The following CCSER1 variants were observed in gnomAD, a reference collection of about 807,000 sequenced individuals.
The protein encoded by CCSER1 is serine-rich coiled-coil domain-containing protein 1.
CCSER1 carries 41 observed loss-of-function variants against 82.0 expected under a neutral mutation model. The ratio of observed to expected loss-of-function variants is 0.50; its 90% CI spans 0.39 to 0.65. CCSER1 has a LOEUF of 0.65. Among genes scored for constraint, CCSER1 ranks in the 30% least tolerant of loss-of-function variants. The pLI is 0.00. For synonymous variants in CCSER1, 414 were observed against 383.9 expected, an observed-to-expected ratio of 1.08 and a Z score of -0.92; for missense variants, 1,119 against 1,064.2, an observed-to-expected ratio of 1.05 and a Z score of -0.72.
chr4:90,185,867 G>A (rs1734523270), intron 1 of CCSER1, among the ~76,000 whole-genome samples: 1 of 151,956 alleles, frequency 6.6e-6, no homozygotes. Flanking sequence ...TTTCACAAAG[G>A]ATTACTACAT....
At chr4:91,080,666 C>T (rs190814662) in intron 9 of CCSER1, among the ~76,000 whole-genome samples, 1 of 152,122 alleles carries the variant, frequency 6.6e-6, no homozygotes, top group East Asian at 1.9e-4. Context: ...TGATAGACCA[C>T]TAGCAAGACT....
At position 90,628,093 on chromosome 4, in the gene CCSER1, C is replaced by T. The variant is rs201505045; in HGVS notation, c.1793C>T (p.Pro598Leu). ...EARCSHISRMPNSPSADWPLQ... is the reference protein window; with the variant it reads ...EARCSHISRMLNSPSADWPLQ... ...AGGTGTTCCCACATCAGCCGAATGCCCAACAGTCCATCTGCGGATTGGCCT... is the reference window on the plus strand; with the variant it reads ...AGGTGTTCCCACATCAGCCGAATGCTCAACAGTCCATCTGCGGATTGGCCT... Residue 598 changes from proline to leucine, a missense_variant, in exon 6 of 11, where the codon CCC becomes CTC. Transcript: ENST00000509176. The T allele has an allele frequency of 1.0e-4, 161 of 1,613,598 alleles. 2 individuals carry two copies. In the South Asian group the frequency reaches 1.7e-3, roughly 17 times the overall value.
At chr4:91,013,548 A>AT (rs1445883499) in intron 9 of CCSER1, among the ~76,000 whole-genome samples, 7,709 of 125,422 alleles carry the variant, frequency 0.061, 1,107 homozygotes, top group African/African-American at 0.17. Context: ...ATATATATAT[A>AT]TTTTTTTGCT....
chr4:90,757,891 G>A (rs1749787020), intron 7 of CCSER1, among the ~76,000 whole-genome samples: 1 of 151,806 alleles, frequency 6.6e-6, no homozygotes, highest in South Asian at 2.1e-4. Context: ...TCAAAGTGGG[G>A]ACTGAAGACA....
At chr4:90,818,078 G>C (rs2149775596) in intron 8 of CCSER1, among the ~76,000 whole-genome samples, 1 of 152,102 alleles carries the variant, frequency 6.6e-6, no homozygotes, top group Middle Eastern at 3.4e-3. Flanking sequence ...ACAAGCAATT[G>C]TATCTACATG....
At chr4:91,589,116 T>C (rs181630221) in intron 10 of CCSER1, among the ~76,000 whole-genome samples, 1 of 152,028 alleles carries the variant, frequency 6.6e-6, no homozygotes, top group African/African-American at 2.4e-5. Flanking sequence ...CATTACATTA[T>C]ACTGATATAA....
At chr4:90,990,725 C>T (rs1338297938) in intron 9 of CCSER1, among the ~76,000 whole-genome samples, 1 of 151,578 alleles carries the variant, frequency 6.6e-6, no homozygotes. Context: ...TCTAAAATAC[C>T]CTAAAGTTGA....
chr4:91,340,883 C>T (rs1463810995), intron 10 of CCSER1, among the ~76,000 whole-genome samples: 1 of 152,114 alleles, frequency 6.6e-6, no homozygotes, highest in East Asian at 1.9e-4. Context: ...AGTATCTCTG[C>T]CTGGCTTTAA....
chr4:90,685,770 C>G (rs1734711206), intron 6 of CCSER1, among the ~76,000 whole-genome samples: 1 of 152,158 alleles, frequency 6.6e-6, no homozygotes, highest in Admixed American at 6.6e-5. Flanking sequence ...GAAAATCAAA[C>G]CGCGATACTG....
chr4:91,242,780 C>T (rs1434819817), intron 10 of CCSER1, among the ~76,000 whole-genome samples: 1 of 152,042 alleles, frequency 6.6e-6, no homozygotes, highest in Non-Finnish European at 1.5e-5. Context: ...CATAAAAGAA[C>T]TCTTAAAACT....
At chr4:90,460,179 G>A (rs1762702006) in intron 4 of CCSER1, among the ~76,000 whole-genome samples, 1 of 148,268 alleles carries the variant, frequency 6.7e-6, no homozygotes, top group African/African-American at 2.6e-5. Context: ...ACAAAAATTA[G>A]CCGGGCATGG....
chr4:91,009,854 A>G (rs546837981), intron 9 of CCSER1, among the ~76,000 whole-genome samples: 4 of 152,288 alleles, frequency 2.6e-5, no homozygotes, highest in African/African-American at 9.6e-5. Context: ...TGGAATTTTA[A>G]AAACTTATTG....
intron 1 of CCSER1, chr4:90,235,375 A>C (rs1471685049): frequency 6.6e-6 from 1 of 152,236 alleles, no homozygotes; most frequent in Non-Finnish European, 1.5e-5. Flanking sequence ...ATCTGGGACA[A>C]CTGGCCTTGA....
intron 8 of CCSER1, among the ~76,000 whole-genome samples, chr4:90,847,719 T>C (rs1763386707): frequency 6.6e-6 from 1 of 152,148 alleles, no homozygotes; most frequent in Non-Finnish European, 1.5e-5. Context: ...GAAAACAATA[T>C]AAAAATAATG....
At chr4:91,157,047 C>A (rs1285526071) in intron 10 of CCSER1, among the ~76,000 whole-genome samples, 1 of 151,882 alleles carries the variant, frequency 6.6e-6, no homozygotes, top group Admixed American at 6.6e-5. Context: ...GTAGTGGATT[C>A]TTTCAAGGAC....
chr4:90,475,685 G>A (rs1764979643), intron 5 of CCSER1, among the ~76,000 whole-genome samples: 1 of 152,142 alleles, frequency 6.6e-6, no homozygotes, highest in South Asian at 2.1e-4. Flanking sequence ...GTTAGTCAGG[G>A]AGGCTGTAGT....
chr4:90,716,977 A>T (rs1214944699), intron 6 of CCSER1, among the ~76,000 whole-genome samples: 1 of 152,172 alleles, frequency 6.6e-6, no homozygotes, highest in East Asian at 1.9e-4. Flanking sequence ...AGATTGACTC[A>T]GTGTTGGATT....
At chr4:90,203,633 G>T (rs1738184937) in intron 1 of CCSER1, among the ~76,000 whole-genome samples, 1 of 152,128 alleles carries the variant, frequency 6.6e-6, no homozygotes, top group South Asian at 2.1e-4. Context: ...CTTTGCTATT[G>T]TGAATAGTGC....
chr4:91,399,373 G>C (rs542664963), intron 10 of CCSER1, among the ~76,000 whole-genome samples: 1 of 151,754 alleles, frequency 6.6e-6, no homozygotes, highest in Non-Finnish European at 1.5e-5. Context: ...ATGTGCCAAG[G>C]TGTCCTAATG....
Sources: gnomAD v4.1 joint callset for allele counts (sites outside exome capture counted in the v4.1 genomes callset) on GRCh38, gnomAD v4.1.1 for gene constraint, MANE v1.5 for transcripts, NCBI Gene and HGNC (gene_info 2026-07-23, HGNC 2026-07-21) for gene names.